The following COL5A1 variants were observed in gnomAD, a reference collection of about 807,000 sequenced individuals.
COL5A1 encodes the protein collagen alpha-1(V) chain.
A neutral mutation model predicts 263.7 loss-of-function variants in COL5A1; 16 were observed. The ratio of observed to expected loss-of-function variants is 0.06; its 90% CI spans 0.04 to 0.09. COL5A1 has a LOEUF of 0.09. COL5A1 is among the 10% of genes least tolerant of loss of function. COL5A1 has a pLI of 1.00. For missense variants in COL5A1, 2,036 were observed against 2,540.5 expected, an observed-to-expected ratio of 0.80 and a Z score of 4.27; for synonymous variants, 1,012 against 1,004.5, an observed-to-expected ratio of 1.01 and a Z score of -0.14.
intron 1 of COL5A1, among the ~76,000 whole-genome samples, chr9:134,685,533 C>G (rs1199614975): frequency 1.6e-4 from 24 of 146,242 alleles, no homozygotes; most frequent in Non-Finnish European, 2.9e-4. Flanking sequence ...CATCCATCCA[C>G]CATCCATCCA....
Position 134,842,537 on chromosome 9 carries a change from G to T in COL5A1, c.*234G>T, listed in dbSNP as rs1354118452. 4 of 604,814 alleles carry T rather than the reference G, an allele frequency of 6.6e-6. No homozygotes were observed. Among genetic ancestry groups the T allele is most frequent in the Non-Finnish European group, 1.2e-5 (4 of 340,706 alleles). 37.5% of individuals were successfully genotyped at this position (604,814 alleles called of 1,614,324 possible). ...TCACATGACCTAGCTGCACCCCAGC[G>T]CCTGGGCCCGCCCCACGCTCTGTCC... On this transcript the variant is annotated 3_prime_UTR_variant, in exon 66 of 66. Coordinates refer to ENST00000371817, the MANE Select transcript of COL5A1 (RefSeq NM_000093.5). The surrounding 1 kb of genome is among the most constrained non-coding windows in gnomAD (Gnocchi z 5.8).
chr9:134,735,230 GT>G (rs1835055036), intron 9 of COL5A1, among the ~76,000 whole-genome samples: 1 of 150,750 alleles, frequency 6.6e-6, no homozygotes, highest in Non-Finnish European at 1.5e-5. Context: ...AAAAAATTGT[GT>G]GCATTGAAGG....
At chr9:134,644,092 C>A (rs966429770) in intron 1 of COL5A1, among the ~76,000 whole-genome samples, 6 of 152,042 alleles carry the variant, frequency 3.9e-5, no homozygotes, top group African/African-American at 1.4e-4. Flanking sequence ...GACCACTTTT[C>A]TTAGTGAGTT....
chr9:134,642,836 C>T lies in COL5A1; in HGVS notation c.109+540C>T, dbSNP rs1027597566. Reference sequence around the variant, plus strand: ...GCTGGCGCCCTGCTTTCCCCAGGGACAGCGTTTCCTGCAGCCTTGGTCACC... The same window carrying T: ...GCTGGCGCCCTGCTTTCCCCAGGGATAGCGTTTCCTGCAGCCTTGGTCACC... On this transcript the variant is annotated intron_variant, in intron 1 of 65. Transcript: ENST00000371817. The surrounding 1 kb of genome is among the most constrained non-coding windows in gnomAD (Gnocchi z 4.5). 2.0e-5 allele frequency among the ~76,000 whole-genome samples: 3 copies of T among 152,208 alleles called. No individual in the cohort carries two copies. Among genetic ancestry groups the T allele is most frequent in the African/African-American group, 7.2e-5 (3 of 41,460 alleles).
In COL5A1 at chr9:134,755,301, A is replaced by G. The variant is rs2132692756; in HGVS notation, c.1827+975A>G. 6.6e-6 allele frequency among the ~76,000 whole-genome samples: 1 copy of G among 152,290 alleles called. No homozygotes were observed. Among genetic ancestry groups the G allele is most frequent in the Admixed American group, 6.5e-5 (1 of 15,296 alleles). ...AAGGTGTTTTTGTGTGTCTCCGTAA[A>G]TCCTTCCCACCCAGTTTCACTAGAA... On this transcript the variant is annotated intron_variant, in intron 16 of 65. Coordinates refer to ENST00000371817, the MANE Select transcript of COL5A1 (RefSeq NM_000093.5). The surrounding 1 kb of genome is among the most constrained non-coding windows in gnomAD (Gnocchi z 4.1).
At chr9:134,829,046 G>A (rs1352982359) in intron 63 of COL5A1, among the ~76,000 whole-genome samples, 1 of 152,190 alleles carries the variant, frequency 6.6e-6, no homozygotes, top group East Asian at 1.9e-4. Context: ...AGGCAAGGCT[G>A]TGAGGATGGG....
At chr9:134,730,178 C>A (rs552649200) in intron 6 of COL5A1, 58 bp from the exon 7 acceptor site, 4 of 1,604,200 alleles carry the variant, frequency 2.5e-6, no homozygotes, top group African/African-American at 1.3e-5. Flanking sequence ...AAGTCCCAGA[C>A]CTGGCACCAC....
Position 134,812,486 on chromosome 9 carries a change from G to C in COL5A1, c.3728G>C (p.Gly1243Ala). 6.2e-7 allele frequency: 1 copy of C among 1,614,156 alleles called. No individual in the cohort carries two copies. The highest frequency in any genetic ancestry group is 8.5e-7 in the Non-Finnish European group (1 of 1,180,046). ...CCTCCAGGCGAGAAGGGTGAGACAG[G>C]AGACGTGGGCCAGATGGTAAGTGTG... is the stretch of plus-strand genomic sequence containing the variant. ...PGPPGEKGET[G>A]DVGQMGPPGP... is the part of the protein sequence containing the mutation. Residue 1243 changes from glycine (G) to alanine (A), a missense_variant, in exon 47 of 66, where the codon GGA (glycine) becomes GCA (alanine). This residue lies in a region of COL5A1 where 1,078 missense variants were observed against 1,521.4 expected (regional missense o/e 0.71). Transcript: ENST00000371817.
chr9:134,828,518 TACACGATAC>T (rs201697778), intron 63 of COL5A1, among the ~76,000 whole-genome samples: 1 of 147,284 alleles, frequency 6.8e-6, no homozygotes, highest in African/African-American at 2.5e-5. Flanking sequence ...ACCACACAGA[TACACGATAC>T]ACATACCACA....
At chr9:134,759,992 C>T (rs1455094601) in intron 18 of COL5A1, among the ~76,000 whole-genome samples, 2 of 121,108 alleles carry the variant, frequency 1.7e-5, no homozygotes, top group Admixed American at 1.7e-4. Flanking sequence ...TGCACACCCA[C>T]ACACCCCACA....
intron 36 of COL5A1, among the ~76,000 whole-genome samples, 162 bp downstream of exon 36, chr9:134,797,063 G>C (rs1050957083): frequency 6.6e-6 from 1 of 152,222 alleles, no homozygotes; most frequent in South Asian, 2.1e-4. Context: ...GGTCAGATGA[G>C]GGGGAGACCC....
intron 1 of COL5A1, among the ~76,000 whole-genome samples, chr9:134,664,659 CAG>C (rs1396794352): frequency 6.6e-6 from 1 of 152,224 alleles, no homozygotes; most frequent in Non-Finnish European, 1.5e-5. Context: ...GCCAGATGGA[CAG>C]AGAACAGAAG....
Position 134,730,246 on chromosome 9 carries a change from C to T in COL5A1, c.935C>T (p.Pro312Leu), listed in dbSNP as rs367726185. ...GTCCTTGGCTCCCAGGAGCTGACCCCGACCCCCACGGAAGCTGCTCCCATG... is the reference window on the plus strand; with the variant it reads ...GTCCTTGGCTCCCAGGAGCTGACCCTGACCCCCACGGAAGCTGCTCCCATG... Reference protein sequence around the residue: ...ETTEVPEELTPTPTEAAPMPE... With the variant: ...ETTEVPEELTLTPTEAAPMPE... The change falls in exon 7 of 66, where the codon CCG (proline) becomes CTG (leucine). Residue 312 changes from proline (P) to leucine (L), a missense_variant. By Grantham distance (98) the Pro-to-Leu change is moderately conservative. Transcript: ENST00000371817. The T allele has an allele frequency of 1.6e-5, 26 of 1,613,680 alleles. No individual in the cohort carries two copies. The highest frequency in any genetic ancestry group is 1.6e-4 in the Middle Eastern group (1 of 6,074).
chr9:134,645,151 G>A (rs993074709), intron 1 of COL5A1, among the ~76,000 whole-genome samples: 2 of 152,226 alleles, frequency 1.3e-5, no homozygotes, highest in Admixed American at 1.3e-4. Flanking sequence ...CGTGCTCCCA[G>A]TGCCAGGCTC....
chr9:134,812,861 C>T (rs1294467052), intron 48 of COL5A1, 149 bp downstream of exon 48: 1 of 705,986 alleles, frequency 1.4e-6, no homozygotes, highest in East Asian at 2.7e-5. Context: ...TCTGTGTGTA[C>T]ACAGAGATGA....
intron 4 of COL5A1, among the ~76,000 whole-genome samples, chr9:134,707,761 C>T (rs1382939997): frequency 6.6e-6 from 1 of 152,212 alleles, no homozygotes; most frequent in Non-Finnish European, 1.5e-5. Context: ...GCCTGGGCTG[C>T]CTGTGGGACA....
rs1434635162 is a variant in COL5A1, at chr9:134,814,914, C to A, written c.4014+10C>A. The A allele has an allele frequency of 6.5e-7, 1 of 1,540,318 alleles. No homozygotes were observed. Among genetic ancestry groups the A allele is most frequent in the South Asian group, 1.2e-5 (1 of 83,834 alleles). ...TCCCAAAGGCAGCCCTGTGAGTATT[C>A]CAGACACACCTCAGGGGCCCTGCAG... On this transcript the variant is annotated intron_variant, in intron 50 of 65. Coordinates refer to ENST00000371817, the MANE Select transcript of COL5A1 (RefSeq NM_000093.5).
In COL5A1 at chr9:134,700,470, T is replaced by G. The variant is rs960950748; in HGVS notation, c.491+348T>G. Among the ~76,000 whole-genome samples, 5 of 152,304 alleles carry G rather than the reference T, an allele frequency of 3.3e-5. No individual in the cohort carries two copies. The highest frequency in any genetic ancestry group is 2.1e-4 in the South Asian group (1 of 4,820). ...TTTCCAGAAAGGATTTCAGGTATCC[T>G]TCAAGGACACAGGTGTGTTAGGAGT... On this transcript the variant is annotated intron_variant, in intron 3 of 65. Coordinates refer to ENST00000371817, the MANE Select transcript of COL5A1 (RefSeq NM_000093.5). The surrounding 1 kb of genome is among the most constrained non-coding windows in gnomAD (Gnocchi z 4.0).
intron 4 of COL5A1, among the ~76,000 whole-genome samples, chr9:134,712,058 T>TCCCTCCTTCCTGTAC (rs1331346180): frequency 7.5e-4 from 10 of 13,402 alleles, no homozygotes; most frequent in Non-Finnish European, 9.9e-4. Context: ...TCTTCCTTCC[T>TCCCTCCTTCCTGTAC]CCCTCCTTCC....
Sources: allele counts gnomAD v4.1 joint callset (sites outside exome capture counted in the v4.1 genomes callset), GRCh38; gene constraint gnomAD v4.1.1; regional missense constraint gnomAD v4.1.1; non-coding constraint Gnocchi (gnomAD v3.1); transcripts MANE v1.5; gene names NCBI Gene and HGNC (gene_info 2026-07-23, HGNC 2026-07-21).